Variants in CSMD1 observed in about 807,000 individuals in gnomAD.
CSMD1 encodes CUB and Sushi multiple domains 1, also known as CUB and sushi domain-containing protein 1.
CSMD1 carries 213 observed loss-of-function variants against 417.5 expected under a neutral mutation model. That is an observed-to-expected ratio of 0.51 (90% CI 0.46 to 0.57). CSMD1 has a LOEUF of 0.57. Ranked by LOEUF, CSMD1 falls within the 20% of genes least tolerant of loss-of-function variation. The pLI is 0.00. For synonymous variants in CSMD1, 2,862 were observed against 1,736.8 expected (o/e 1.65, Z -16.11); for missense variants, 6,923 against 4,529.7 (o/e 1.53, Z -15.17).
intron 3 of CSMD1, among the ~76,000 whole-genome samples, chr8:4,223,214 C>T (rs890217761): frequency 1.3e-5 from 2 of 152,130 alleles, no homozygotes; most frequent in African/African-American, 4.8e-5. Flanking sequence ...AGAAAAGCCA[C>T]AAATGAAATC....
rs184374673 is a variant in CSMD1 at position 3,003,829 on chromosome 8, G to A, written c.8030-3698C>T. 7.4e-4 allele frequency among the ~76,000 whole-genome samples: 112 copies of A among 152,268 alleles called. 1 individual carries two copies. Among genetic ancestry groups the A allele is most frequent in the African/African-American group, 2.7e-3 (112 of 41,556 alleles). On this transcript the variant is annotated intron_variant, in intron 52 of 69. Transcript: ENST00000635120. ...GATGAGCGCTTGTTAGCCAGGAAAAGGTGATGGCAAGACATTCTAGCCACA... is the reference window on the plus strand; with the variant it reads ...GATGAGCGCTTGTTAGCCAGGAAAAAGTGATGGCAAGACATTCTAGCCACA...
chr8:4,211,849 A>T (rs1323587914), intron 3 of CSMD1, among the ~76,000 whole-genome samples: 1 of 152,140 alleles, frequency 6.6e-6, no homozygotes, highest in Non-Finnish European at 1.5e-5. Flanking sequence ...GGGTGAGAAA[A>T]CACTAACTTG....
At chr8:3,959,342 T>C (rs1049587149) in intron 5 of CSMD1, among the ~76,000 whole-genome samples, 2 of 151,982 alleles carry the variant, frequency 1.3e-5, no homozygotes, top group African/African-American at 2.4e-5. Context: ...CTACTAAAAA[T>C]ACAAAAATTA....
chr8:3,740,731 T>A (rs1002333624), intron 6 of CSMD1, among the ~76,000 whole-genome samples: 36 of 152,268 alleles, frequency 2.4e-4, no homozygotes, highest in African/African-American at 8.2e-4. Flanking sequence ...TCTAAAAGAC[T>A]TGGTACCTAG....
rs11993765 is a variant in CSMD1 at position 4,588,549 on chromosome 8, C to G, written c.302+48793G>C. Among the ~76,000 whole-genome samples, 996 of 151,966 alleles carry G rather than the reference C, an allele frequency of 6.6e-3. 12 individuals carry two copies. The highest frequency in any genetic ancestry group is 0.023 in the African/African-American group (966 of 41,478). On this transcript the variant is annotated intron_variant, in intron 2 of 69. Coordinates refer to ENST00000635120, the MANE Select transcript of CSMD1 (RefSeq NM_033225.6). ...GTGGCACATGCCTGTAATCCCAGCC[C>G]TTTCGGAGGCCGAGTCTGGCGGATC... is the stretch of plus-strand genomic sequence containing the variant.
At chr8:3,911,677 G>A (rs116505616) in intron 5 of CSMD1, among the ~76,000 whole-genome samples, 3,584 of 151,896 alleles carry the variant, frequency 0.024, 160 homozygotes, top group African/African-American at 0.082. Flanking sequence ...ATTGCTTGTC[G>A]GAGCTGCCAT....
At chr8:3,475,424 T>C (rs1817349821) in intron 11 of CSMD1, among the ~76,000 whole-genome samples, 1 of 152,242 alleles carries the variant, frequency 6.6e-6, no homozygotes, top group East Asian at 1.9e-4. Context: ...GTTTAAATTT[T>C]ATAGGAATAT....
chr8:4,730,257 T>C (rs968735676), intron 1 of CSMD1, among the ~76,000 whole-genome samples: 2 of 152,092 alleles, frequency 1.3e-5, no homozygotes, highest in African/African-American at 2.4e-5. Flanking sequence ...ATATACTTTT[T>C]TATGTTCAGG....
At chr8:3,612,618 T>C (rs1801948448) in intron 8 of CSMD1, among the ~76,000 whole-genome samples, 1 of 152,132 alleles carries the variant, frequency 6.6e-6, no homozygotes, top group Non-Finnish European at 1.5e-5. Context: ...TCTCTAACCA[T>C]GCAGATTCTT....
Position 4,683,850 on chromosome 8 carries a change from G to A in CSMD1, c.86-46292C>T, listed in dbSNP as rs542551502. Among the ~76,000 whole-genome samples, 9 of 152,344 alleles carry A rather than the reference G, an allele frequency of 5.9e-5. No homozygotes were observed. The South Asian group carries it at 8.3e-4, about 14-fold the overall frequency. Reference sequence around the variant, plus strand: ...AGTAGACAATTACTCCTTGGAATATGAATCTGTTCATTTGGATCACTAATT... The same window carrying A: ...AGTAGACAATTACTCCTTGGAATATAAATCTGTTCATTTGGATCACTAATT... On this transcript the variant is annotated intron_variant, in intron 1 of 69. Coordinates refer to ENST00000635120, the MANE Select transcript of CSMD1 (RefSeq NM_033225.6).
intron 3 of CSMD1, among the ~76,000 whole-genome samples, chr8:4,069,124 T>C (rs572965285): frequency 4.6e-5 from 7 of 152,300 alleles, no homozygotes; most frequent in East Asian, 1.9e-4. Context: ...TGAAGGGAAA[T>C]ACTACAATAT....
intron 20 of CSMD1, among the ~76,000 whole-genome samples, chr8:3,366,089 G>GGACC (rs1303981923): frequency 6.6e-6 from 1 of 152,062 alleles, no homozygotes; most frequent in Non-Finnish European, 1.5e-5. Context: ...TGGTACCCAG[G>GGACC]GACCACCTTA....
chr8:3,307,212 T>C (rs1804939856), intron 25 of CSMD1, among the ~76,000 whole-genome samples: 1 of 151,968 alleles, frequency 6.6e-6, no homozygotes, highest in Non-Finnish European at 1.5e-5. Flanking sequence ...AAGCACAAGT[T>C]GGAAATTTGT....
intron 2 of CSMD1, among the ~76,000 whole-genome samples, chr8:4,462,639 CATGG>C (rs1799905298): frequency 1.3e-5 from 2 of 152,298 alleles, no homozygotes; most frequent in African/African-American, 4.8e-5. Context: ...GCATTAGACA[CATGG>C]ATTAATGAAA....
chr8:3,409,190 C>T (rs1812528786), intron 13 of CSMD1, among the ~76,000 whole-genome samples: 1 of 152,168 alleles, frequency 6.6e-6, no homozygotes, highest in Admixed American at 6.5e-5. Flanking sequence ...AGGAAACGTT[C>T]AAGTACATTT....
chr8:3,469,916 G>A (rs904041957), intron 11 of CSMD1, among the ~76,000 whole-genome samples: 2 of 152,162 alleles, frequency 1.3e-5, no homozygotes, highest in African/African-American at 4.8e-5. Flanking sequence ...TGGCAACATT[G>A]TTCTTTTTCA....
chr8:3,782,352 G>C (rs551179824), intron 5 of CSMD1, among the ~76,000 whole-genome samples: 2 of 152,196 alleles, frequency 1.3e-5, no homozygotes, highest in Admixed American at 1.3e-4. Context: ...TTCAAAAAGG[G>C]AACTCCGGCA....
intron 5 of CSMD1, among the ~76,000 whole-genome samples, chr8:3,786,775 T>C (rs904409018): frequency 2.6e-5 from 4 of 152,206 alleles, no homozygotes; most frequent in African/African-American, 9.7e-5. Context: ...CAGAGGGCTA[T>C]CTTCCCCTTG....
intron 1 of CSMD1, among the ~76,000 whole-genome samples, chr8:4,749,886 T>C (rs190443661): frequency 1.1e-4 from 16 of 152,108 alleles, no homozygotes; most frequent in African/African-American, 3.6e-4. Flanking sequence ...AACTTCAAAA[T>C]CCCGGGTCTT....
Sources: allele counts gnomAD v4.1 joint callset (sites outside exome capture counted in the v4.1 genomes callset), GRCh38; gene constraint gnomAD v4.1.1; transcripts MANE v1.5; gene names NCBI Gene and HGNC (gene_info 2026-07-23, HGNC 2026-07-21).